Variants in ADGRV1 observed in about 807,000 individuals in gnomAD.
ADGRV1 encodes adhesion G protein-coupled receptor V1, also known as G-protein coupled receptor 98.
In ADGRV1, 359 loss-of-function variants were observed where a neutral mutation model predicts 596.2. That is an observed-to-expected ratio of 0.60 (90% CI 0.55 to 0.66). ADGRV1 has a LOEUF of 0.66. ADGRV1 is among the 30% of genes least tolerant of loss of function. The pLI is 0.00. For synonymous variants in ADGRV1, 2,681 were observed against 2,679.2 expected (o/e 1.00, Z -0.02); for missense variants, 7,274 against 7,575.6 (o/e 0.96, Z 1.48).
At chr5:90,806,859 ATT>A (rs565402360) in intron 72 of ADGRV1, among the ~76,000 whole-genome samples, 1 of 147,820 alleles carries the variant, frequency 6.8e-6, no homozygotes, top group Non-Finnish European at 1.5e-5. Flanking sequence ...TTTATTTTTA[ATT>A]TTTTTTTTTG....
chr5:90,880,023 A>C (rs988857063), intron 83 of ADGRV1, among the ~76,000 whole-genome samples: 16 of 152,080 alleles, frequency 1.1e-4, no homozygotes, highest in African/African-American at 3.9e-4. Context: ...TTTTCCTTTT[A>C]TTTACTTAAT....
chr5:90,999,596 A>G (rs1781699551), intron 85 of ADGRV1, among the ~76,000 whole-genome samples: 2 of 152,090 alleles, frequency 1.3e-5, no homozygotes, highest in South Asian at 2.1e-4. Flanking sequence ...TATTCATGAG[A>G]TCACATTTCA....
At chr5:90,863,717 T>C (rs768296119) in intron 82 of ADGRV1, 40 bp from the exon 83 acceptor site, 8 of 1,422,092 alleles carry the variant, frequency 5.6e-6, no homozygotes, top group East Asian at 4.6e-5. Flanking sequence ...AGAATCTTCA[T>C]GGATTATTAA....
chr5:91,135,531 A>G (rs1314587298), intron 87 of ADGRV1, among the ~76,000 whole-genome samples: 1 of 152,208 alleles, frequency 6.6e-6, no homozygotes, highest in Non-Finnish European at 1.5e-5. Context: ...AGATGTATTA[A>G]TGGCATAGAT....
intron 1 of ADGRV1, among the ~76,000 whole-genome samples, chr5:90,561,985 A>G (rs1754893296): frequency 6.6e-6 from 1 of 152,198 alleles, no homozygotes. Context: ...AAAGTCATGC[A>G]GGAAATTCAG....
chr5:91,057,320 A>C (rs1022892064), intron 85 of ADGRV1, among the ~76,000 whole-genome samples: 6 of 152,266 alleles, frequency 3.9e-5, no homozygotes, highest in Non-Finnish European at 2.9e-5. Flanking sequence ...CTATTGTACC[A>C]TCATAAAGGG....
chr5:91,086,561 C>T (rs569639634), intron 86 of ADGRV1, among the ~76,000 whole-genome samples: 4 of 152,294 alleles, frequency 2.6e-5, no homozygotes, highest in South Asian at 2.1e-4. Context: ...TTTGATGAGT[C>T]TCACTATAGA....
chr5:90,803,895 A>C (rs146132346), intron 71 of ADGRV1, among the ~76,000 whole-genome samples: 1 of 152,224 alleles, frequency 6.6e-6, no homozygotes, highest in African/African-American at 2.4e-5. Flanking sequence ...ATCCATGCAC[A>C]TTGTCACAAT....
At chr5:90,821,894 G>A (rs866111824) in intron 75 of ADGRV1, among the ~76,000 whole-genome samples, 3 of 152,210 alleles carry the variant, frequency 2.0e-5, no homozygotes, top group Non-Finnish European at 4.4e-5. Flanking sequence ...GCCCCCAGAG[G>A]TGGAGCCTAC....
chr5:90,827,711 T>C (rs1482736010), intron 76 of ADGRV1, among the ~76,000 whole-genome samples: 2 of 152,170 alleles, frequency 1.3e-5, no homozygotes, highest in African/African-American at 4.8e-5. Context: ...TTTCCATATT[T>C]CAATATCAAC....
chr5:90,638,024 T>A, intron 11 of ADGRV1, 76 bp downstream of exon 11: 9 of 986,932 alleles, frequency 9.1e-6, no homozygotes, highest in Non-Finnish European at 1.3e-5. Flanking sequence ...TTTTTTTTAC[T>A]CTTTTTTTTC....
intron 83 of ADGRV1, among the ~76,000 whole-genome samples, chr5:90,882,258 A>G (rs1769862566): frequency 6.6e-6 from 1 of 152,218 alleles, no homozygotes; most frequent in Non-Finnish European, 1.5e-5. Flanking sequence ...AGTTTTCACA[A>G]ACCTTTTCAG....
intron 84 of ADGRV1, among the ~76,000 whole-genome samples, chr5:90,972,261 T>C (rs1470716991): frequency 6.6e-6 from 1 of 152,140 alleles, no homozygotes; most frequent in Non-Finnish European, 1.5e-5. Flanking sequence ...TGGGAGACTT[T>C]AACACCCCAC....
At chr5:90,664,043 G>T (rs1291453926) in intron 21 of ADGRV1, among the ~76,000 whole-genome samples, 53 of 136,280 alleles carry the variant, frequency 3.9e-4, no homozygotes, top group Non-Finnish European at 6.8e-4. Context: ...AAGTCAGGTA[G>T]TGTGATGCCT....
intron 86 of ADGRV1, among the ~76,000 whole-genome samples, chr5:91,075,818 C>T (rs1457712075): frequency 1.3e-5 from 2 of 152,106 alleles, no homozygotes; most frequent in African/African-American, 4.8e-5. Context: ...AAAAAAAGTC[C>T]AGTCCCTTTA....
intron 84 of ADGRV1, among the ~76,000 whole-genome samples, chr5:90,969,732 G>A (rs1778783115): frequency 6.6e-6 from 1 of 152,128 alleles, no homozygotes; most frequent in Non-Finnish European, 1.5e-5. Flanking sequence ...CCTTAAGAAG[G>A]CAGGGTTGGG....
intron 79 of ADGRV1, 59 bp from the exon 80 acceptor site, chr5:90,853,225 G>A (rs1766703536): frequency 6.8e-7 from 1 of 1,469,552 alleles, no homozygotes; most frequent in African/African-American, 1.4e-5. Context: ...ACAAATATAA[G>A]TGGATATATG....
chr5:90,973,283 G>C (rs1044080669), intron 84 of ADGRV1, among the ~76,000 whole-genome samples: 1 of 152,158 alleles, frequency 6.6e-6, no homozygotes, highest in Non-Finnish European at 1.5e-5. Context: ...ACAAGGAGGA[G>C]CTGGTACCAT....
intron 83 of ADGRV1, among the ~76,000 whole-genome samples, chr5:90,891,130 T>C (rs1770779378): frequency 6.7e-6 from 1 of 149,446 alleles, no homozygotes; most frequent in Admixed American, 6.7e-5. Flanking sequence ...GGAAAATTTT[T>C]ATTGTTTTAA....
Sources: gnomAD v4.1 joint callset for allele counts (sites outside exome capture counted in the v4.1 genomes callset) on GRCh38, gnomAD v4.1.1 for gene constraint, MANE v1.5 for transcripts, NCBI Gene and HGNC (gene_info 2026-07-23, HGNC 2026-07-21) for gene names.